GRIN2B: variants seen among roughly 807,000 people sequenced by gnomAD.
GRIN2B encodes the protein glutamate receptor ionotropic, NMDA 2B.
A neutral mutation model predicts 114.5 loss-of-function variants in GRIN2B; 5 were observed. That is an observed-to-expected ratio of 0.04 (90% CI 0.02 to 0.09). The LOEUF (loss-of-function observed/expected upper bound fraction) is 0.09. Among genes scored for constraint, GRIN2B ranks in the 10% least tolerant of loss-of-function variants. The probability of loss-of-function intolerance (pLI) is 1.00; values close to 1 mark genes in which losing one functional copy is unlikely to be tolerated. For missense variants in GRIN2B, 1,108 were observed against 1,943.5 expected (o/e 0.57, Z 8.08); for synonymous variants, 787 against 745.1 (o/e 1.06, Z -0.92).
intron 3 of GRIN2B, among the ~76,000 whole-genome samples, chr12:13,857,296 G>A (rs1865677339): frequency 6.6e-6 from 1 of 152,070 alleles, no homozygotes; most frequent in South Asian, 2.1e-4. Context: ...TTGACAGTGG[G>A]ACACTAACAC....
At chr12:13,940,547 G>A (rs1429747816) in intron 2 of GRIN2B, among the ~76,000 whole-genome samples, 2 of 152,112 alleles carry the variant, frequency 1.3e-5, no homozygotes, top group Non-Finnish European at 2.9e-5. Context: ...AATACAAGGG[G>A]TGTAACTAGG....
intron 10 of GRIN2B, among the ~76,000 whole-genome samples, chr12:13,596,825 T>A (rs1949079938): frequency 6.6e-6 from 1 of 152,370 alleles, no homozygotes; most frequent in East Asian, 1.9e-4. Flanking sequence ...CACAGCTGGA[T>A]AATGAGTGGT....
intron 2 of GRIN2B, among the ~76,000 whole-genome samples, chr12:13,954,057 G>C (rs1453262612): frequency 6.6e-6 from 1 of 152,172 alleles, no homozygotes; most frequent in African/African-American, 2.4e-5. Flanking sequence ...TTCTGGCCCT[G>C]GACCAGGCAT....
chr12:13,945,058 T>C (rs2136840415), intron 2 of GRIN2B, among the ~76,000 whole-genome samples: 1 of 152,320 alleles, frequency 6.6e-6, no homozygotes, highest in Non-Finnish European at 1.5e-5. Flanking sequence ...ATTACTTTTC[T>C]AGGGTGATGT....
intron 3 of GRIN2B, among the ~76,000 whole-genome samples, chr12:13,846,545 CCTG>C (rs1865476128): frequency 6.6e-6 from 1 of 152,162 alleles, no homozygotes. Context: ...GTTGAGACTG[CCTG>C]CTGATATTCG....
At position 13,828,931 on chromosome 12, in the gene GRIN2B, G is replaced by A. The variant is rs533970740; in HGVS notation, c.411+36867C>T. Reference sequence around the variant, plus strand: ...TAAAGAAAGATATACATTATCTGGTGCCTGTCTTTTTTTCTGACCTTGATT... The same window carrying A: ...TAAAGAAAGATATACATTATCTGGTACCTGTCTTTTTTTCTGACCTTGATT... On this transcript the variant is annotated intron_variant, in intron 3 of 13. Coordinates refer to ENST00000609686, the MANE Select transcript of GRIN2B (RefSeq NM_000834.5). Among the ~76,000 whole-genome samples the A allele has an allele frequency of 7.9e-5, 12 of 152,244 alleles. No individual in the cohort carries two copies. In the South Asian group the frequency reaches 2.3e-3, roughly 29 times the overall value.
At chr12:13,810,852 A>G (rs976664825) in intron 3 of GRIN2B, among the ~76,000 whole-genome samples, 1 of 152,252 alleles carries the variant, frequency 6.6e-6, no homozygotes, top group African/African-American at 2.4e-5. Flanking sequence ...AGTCACTCGT[A>G]CTGTATCAGA....
At chr12:13,782,433 G>A (rs1418676386) in intron 3 of GRIN2B, among the ~76,000 whole-genome samples, 1 of 152,066 alleles carries the variant, frequency 6.6e-6, no homozygotes, top group African/African-American at 2.4e-5. Flanking sequence ...ATATCCAGAT[G>A]ATCTTTGCCA....
chr12:13,731,457 T>A (rs1863085043), intron 4 of GRIN2B, among the ~76,000 whole-genome samples: 1 of 151,970 alleles, frequency 6.6e-6, no homozygotes, highest in Non-Finnish European at 1.5e-5. Context: ...AAAAATTAGC[T>A]GGGCGTGGTG....
chr12:13,689,681 T>A (rs1201632245), intron 4 of GRIN2B, among the ~76,000 whole-genome samples: 2 of 152,098 alleles, frequency 1.3e-5, no homozygotes, highest in African/African-American at 4.8e-5. Context: ...TGCTCAAACA[T>A]CTCCAATGGC....
At chr12:13,736,141 G>GT (rs1565518329) in intron 4 of GRIN2B, among the ~76,000 whole-genome samples, 3 of 31,744 alleles carry the variant, frequency 9.5e-5, no homozygotes, top group African/African-American at 1.2e-4. Flanking sequence ...AAAGCGGGGG[G>GT]GGGGGGGGGT....
chr12:13,610,104 A>G (rs1228589664), intron 9 of GRIN2B: 1 of 152,226 alleles, frequency 6.6e-6, no homozygotes, highest in Non-Finnish European at 1.5e-5. Flanking sequence ...GCTCAGCCAA[A>G]TAAATCATCA....
chr12:13,780,810 AG>A (rs1864096809), intron 3 of GRIN2B, among the ~76,000 whole-genome samples: 1 of 148,146 alleles, frequency 6.8e-6, no homozygotes, highest in Non-Finnish European at 1.5e-5. Context: ...GGCCCAGAAA[AG>A]GTATTGTAAG....
intron 2 of GRIN2B, among the ~76,000 whole-genome samples, chr12:13,913,283 G>A (rs776694684): frequency 6.6e-6 from 1 of 152,104 alleles, no homozygotes; most frequent in African/African-American, 2.4e-5. Flanking sequence ...CAACACCCCT[G>A]ATGCCCTTCC....
intron 2 of GRIN2B, among the ~76,000 whole-genome samples, chr12:13,954,783 T>A (rs1321453035): frequency 5.1e-5 from 4 of 77,838 alleles, no homozygotes; most frequent in Non-Finnish European, 1.0e-4. Context: ...TACTCTAGCC[T>A]GGGTGACAGA....
At chr12:13,658,068 GGT>G (rs1949884224) in intron 5 of GRIN2B, among the ~76,000 whole-genome samples, 1 of 152,066 alleles carries the variant, frequency 6.6e-6, no homozygotes, top group Non-Finnish European at 1.5e-5. Flanking sequence ...AGCTGGGCGT[GGT>G]GGTACCTGCC....
At chr12:13,612,271 C>A (rs1253299934) in intron 8 of GRIN2B, among the ~76,000 whole-genome samples, 1 of 152,222 alleles carries the variant, frequency 6.6e-6, no homozygotes, top group African/African-American at 2.4e-5. Flanking sequence ...CTGAACCTTG[C>A]AGATACAGTC....
chr12:13,569,772 T>C (rs1565456949), intron 12 of GRIN2B, 58 bp downstream of exon 12: 14 of 1,014,776 alleles, frequency 1.4e-5, no homozygotes, highest in Non-Finnish European at 2.1e-5. Context: ...GAAAGGTTGA[T>C]GTTTTGGACT....
At chr12:13,891,079 T>C (rs1327560051) in intron 2 of GRIN2B, among the ~76,000 whole-genome samples, 1 of 152,206 alleles carries the variant, frequency 6.6e-6, no homozygotes, top group Non-Finnish European at 1.5e-5. Flanking sequence ...TGAAATGTGA[T>C]TTTTAAATAT....
Sources: allele counts gnomAD v4.1 joint callset (sites outside exome capture counted in the v4.1 genomes callset), GRCh38; gene constraint gnomAD v4.1.1; transcripts MANE v1.5; gene names NCBI Gene and HGNC (gene_info 2026-07-23, HGNC 2026-07-21).